ASB18: variants seen among roughly 807,000 people sequenced by gnomAD.
The protein encoded by ASB18 is ankyrin repeat and SOCS box protein 18.
A neutral mutation model predicts 33.4 loss-of-function variants in ASB18; 33 were observed. The ratio of observed to expected loss-of-function variants is 0.99; its 90% CI spans 0.75 to 1.32. The LOEUF is 1.32. Ranked by LOEUF, ASB18 falls within the 40% of genes most tolerant of loss-of-function variation. The pLI is 0.00. For missense variants in ASB18, 694 were observed against 655.5 expected (o/e 1.06, Z -0.64); for synonymous variants, 295 against 307.6 (o/e 0.96, Z 0.43).
Position 236,235,896 on chromosome 2 carries a change from G to T in ASB18, c.596+1793C>A, listed in dbSNP as rs1168996064. 6.6e-6 allele frequency among the ~76,000 whole-genome samples: 1 copy of T among 152,110 alleles called. No homozygotes were observed. Among genetic ancestry groups the T allele is most frequent in the African/African-American group, 2.4e-5 (1 of 41,416 alleles). On this transcript the variant is annotated intron_variant, in intron 3 of 5. Coordinates refer to ENST00000409749, the MANE Select transcript of ASB18 (RefSeq NM_212556.4). The surrounding 1 kb of genome is among the most constrained non-coding windows in gnomAD (Gnocchi z 6.2). Reference sequence around the variant, plus strand: ...TTTTGTAGAGATGGGGTTTTGCCGTGTTGCCCAGGCTGGTCTTGAACTCCC... The same window carrying T: ...TTTTGTAGAGATGGGGTTTTGCCGTTTTGCCCAGGCTGGTCTTGAACTCCC...
In ASB18 at chr2:236,263,601, A is replaced by C. The variant is rs2060730204; in HGVS notation, c.205+540T>G. Reference sequence around the variant, plus strand: ...CCAGTTATATGGCTCCTAGGAATTTATGGTAAGGATATAATCCCAAAAAAG... The same window carrying C: ...CCAGTTATATGGCTCCTAGGAATTTCTGGTAAGGATATAATCCCAAAAAAG... On this transcript the variant is annotated intron_variant, in intron 1 of 5. Coordinates refer to ENST00000409749, the MANE Select transcript of ASB18 (RefSeq NM_212556.4). The surrounding 1 kb of genome is among the most constrained non-coding windows in gnomAD (Gnocchi z 4.0). Among the ~76,000 whole-genome samples the C allele has an allele frequency of 6.6e-6, 1 of 152,214 alleles. No individual in the cohort carries two copies. The highest frequency in any genetic ancestry group is 1.5e-5 in the Non-Finnish European group (1 of 68,036).
intron 1 of ASB18, among the ~76,000 whole-genome samples, chr2:236,243,329 C>CAA (rs34711903): frequency 0.014 from 1,514 of 108,980 alleles, 47 homozygotes; most frequent in African/African-American, 0.044. Context: ...GACTCCATCT[C>CAA]AAAAAAAAAA....
At position 236,241,661 on chromosome 2, in the gene ASB18, G is replaced by A. The variant is rs909259877; in HGVS notation, c.206-259C>T. 2.6e-5 allele frequency: 16 copies of A among 616,474 alleles called. No homozygotes were observed. The highest frequency in any genetic ancestry group is 7.3e-5 in the African/African-American group (4 of 54,464). The allele number at this position is 616,474 out of a possible 1,614,324, so 38.2% of individuals were successfully genotyped here. ...TATATTTATAACTCCTGTGGGCTCCGATGTGATAATGGTTACTTGATATGA... is the reference window on the plus strand; with the variant it reads ...TATATTTATAACTCCTGTGGGCTCCAATGTGATAATGGTTACTTGATATGA... On this transcript the variant is annotated intron_variant, in intron 1 of 5. Transcript: ENST00000409749. This position sits in a 1 kb window ranked among gnomAD's most constrained non-coding sequence, Gnocchi z 4.2.
rs1469821149 is a variant in ASB18, at chr2:236,252,256, G to A, written c.206-10854C>T. ...ACTGTACTCCAGCCTTGGCAACAGA[G>A]TGAGACTCCGTCACACACACACACA... is the stretch of plus-strand genomic sequence containing the variant. On this transcript the variant is annotated intron_variant, in intron 1 of 5. Transcript: ENST00000409749. This position sits in a 1 kb window ranked among gnomAD's most constrained non-coding sequence, Gnocchi z 7.9. 7.2e-6 allele frequency among the ~76,000 whole-genome samples: 1 copy of A among 138,872 alleles called. No homozygotes were observed. The highest frequency in any genetic ancestry group is 2.6e-5 in the African/African-American group (1 of 38,246). The allele number at this position is 138,872 out of a possible 152,430, so 91.1% of individuals were successfully genotyped here.
chr2:236,213,316 G>A lies in ASB18; in HGVS notation c.1101+1046C>T, dbSNP rs1468787931. Among the ~76,000 whole-genome samples the A allele has an allele frequency of 6.6e-6, 1 of 152,028 alleles. No homozygotes were observed. The highest frequency in any genetic ancestry group is 1.5e-5 in the Non-Finnish European group (1 of 68,024). On this transcript the variant is annotated intron_variant, in intron 4 of 5. Coordinates refer to ENST00000409749, the MANE Select transcript of ASB18 (RefSeq NM_212556.4). The surrounding 1 kb of genome is among the most constrained non-coding windows in gnomAD (Gnocchi z 4.8). The stretch of plus-strand genomic sequence containing the variant: ...TTCAGAGGCACAGTCTACTCTGAAC[G>A]CATCTATAATGGAAAGTTAGCATTT...
At chr2:236,210,512 C>G (rs1204060642) in intron 4 of ASB18, 1 of 152,210 alleles carries the variant, frequency 6.6e-6, no homozygotes, top group Non-Finnish European at 1.5e-5. Flanking sequence ...AGAAAACCAC[C>G]TTTGTGATCA....
chr2:236,206,190 GT>G (rs58498672), intron 4 of ASB18, among the ~76,000 whole-genome samples: 31,284 of 137,808 alleles, frequency 0.23, 4,502 homozygotes, highest in African/African-American at 0.44. Flanking sequence ...AGTTTCTTGG[GT>G]TTTTTTTTTT....
At chr2:236,240,782 G>C (rs1462427325) in intron 2 of ASB18, among the ~76,000 whole-genome samples, 1 of 152,186 alleles carries the variant, frequency 6.6e-6, no homozygotes, top group Non-Finnish European at 1.5e-5. Flanking sequence ...CCCATTCTTG[G>C]GATTCCCCAG....
In ASB18 at chr2:236,229,051, T is replaced by G. The variant is rs930731732; in HGVS notation, c.596+8638A>C. 6.6e-6 allele frequency among the ~76,000 whole-genome samples: 1 copy of G among 152,114 alleles called. No individual in the cohort carries two copies. The highest frequency in any genetic ancestry group is 1.5e-5 in the Non-Finnish European group (1 of 68,022). ...TGAAACTAGGAGTTTGAGACCATCC[T>G]GGGCAGCAAAACAAGACCCCAACTC... On this transcript the variant is annotated intron_variant, in intron 3 of 5. Coordinates refer to ENST00000409749, the MANE Select transcript of ASB18 (RefSeq NM_212556.4). This position sits in a 1 kb window ranked among gnomAD's most constrained non-coding sequence, Gnocchi z 5.2.
In ASB18 at chr2:236,205,066, T is replaced by C. The variant is rs1467018401; in HGVS notation, c.1102-8681A>G. Among the ~76,000 whole-genome samples, 9 of 152,198 alleles carry C rather than the reference T, an allele frequency of 5.9e-5. No individual in the cohort carries two copies. The highest frequency in any genetic ancestry group is 1.0e-4 in the Non-Finnish European group (7 of 68,040). ...CAGCAACACCCTCCTAACTCATCTTTCGACATCTGTTCTCCTCTTTCTCAA... is the reference window on the plus strand; with the variant it reads ...CAGCAACACCCTCCTAACTCATCTTCCGACATCTGTTCTCCTCTTTCTCAA... On this transcript the variant is annotated intron_variant, in intron 4 of 5. Transcript: ENST00000409749. This position sits in a 1 kb window ranked among gnomAD's most constrained non-coding sequence, Gnocchi z 5.4.
Position 236,214,598 on chromosome 2 carries a change from G to GCGCGTC in ASB18, c.859_864dup (p.Asp287_Ala288dup). The GCGCGTC allele has an allele frequency of 7.9e-7, 1 of 1,259,962 alleles. No homozygotes were observed. The highest frequency in any genetic ancestry group is 9.9e-7 in the Non-Finnish European group (1 of 1,006,182). 78.0% of individuals were successfully genotyped at this position (1,259,962 alleles called of 1,614,324 possible). A position where few individuals can be genotyped will look rare whatever the true frequency, so the allele number is the denominator to read the frequency against. ...AGCGGGCTGCGCTCGTCCTCGTCGC[G>GCGCGTC]CGCGTCCGCCTCCGCCCCGCGCCGC... On this transcript the variant is annotated inframe_insertion, in exon 4 of 6. Coordinates refer to ENST00000409749, the MANE Select transcript of ASB18 (RefSeq NM_212556.4). The surrounding 1 kb of genome is among the most constrained non-coding windows in gnomAD (Gnocchi z 6.5).
chr2:236,218,703 C>A (rs767699648), intron 3 of ASB18, among the ~76,000 whole-genome samples: 13 of 147,090 alleles, frequency 8.8e-5, no homozygotes, highest in Non-Finnish European at 1.9e-4. Flanking sequence ...GAGGCTGAGG[C>A]AGGAGAATGG....
rs1206576295 is a variant in ASB18, at chr2:236,253,132, C to G, written c.205+11009G>C. On this transcript the variant is annotated intron_variant, in intron 1 of 5. Transcript: ENST00000409749. The surrounding 1 kb of genome is among the most constrained non-coding windows in gnomAD (Gnocchi z 5.4). ...TTCCTGCCAAACTCCAGTCAGCACC[C>G]AACGCTGACCCCTGAGCTCACGAGC... Among the ~76,000 whole-genome samples, 2 of 152,184 alleles carry G rather than the reference C, an allele frequency of 1.3e-5. No homozygotes were observed. The highest frequency in any genetic ancestry group is 2.9e-5 in the Non-Finnish European group (2 of 68,020).
At position 236,241,420 on chromosome 2, in the gene ASB18, T is replaced by C. The variant is rs1287662787; in HGVS notation, c.206-18A>G. On this transcript the variant is annotated intron_variant, in intron 1 of 5. Coordinates refer to ENST00000409749, the MANE Select transcript of ASB18 (RefSeq NM_212556.4). The surrounding 1 kb of genome is among the most constrained non-coding windows in gnomAD (Gnocchi z 4.2). ...GAGGTCCCCTGCGACCAGGGCAGTG[T>C]GGTACTCCTGCACCGGGGACCCTGC... The C allele has an allele frequency of 6.2e-7, 1 of 1,613,776 alleles. No individual in the cohort carries two copies. Among genetic ancestry groups the C allele is most frequent in the African/African-American group, 1.3e-5 (1 of 74,928 alleles).
In ASB18 at chr2:236,238,551, C is replaced by G. The variant is rs1272894212; in HGVS notation, c.329-595G>C. 6.6e-6 allele frequency among the ~76,000 whole-genome samples: 1 copy of G among 152,086 alleles called. No homozygotes were observed. Among genetic ancestry groups the G allele is most frequent in the African/African-American group, 2.4e-5 (1 of 41,414 alleles). ...AAGTGGCTGAGTTTTCAGAAGCACA[C>G]TTTGATGTGGTGGTCCACATTCAGC... On this transcript the variant is annotated intron_variant, in intron 2 of 5. Transcript: ENST00000409749. This position sits in a 1 kb window ranked among gnomAD's most constrained non-coding sequence, Gnocchi z 5.2.
At chr2:236,210,788 C>G (rs889757281) in intron 4 of ASB18, among the ~76,000 whole-genome samples, 1 of 152,164 alleles carries the variant, frequency 6.6e-6, no homozygotes, top group African/African-American at 2.4e-5. Flanking sequence ...AGGAGGTTCC[C>G]AAAGGAACAC....
At chr2:236,210,479 T>C (rs923899531) in intron 4 of ASB18, 1 of 152,250 alleles carries the variant, frequency 6.6e-6, no homozygotes, top group African/African-American at 2.4e-5. Context: ...AGACCCGGAA[T>C]GCAATCCATA....
At position 236,234,253 on chromosome 2, in the gene ASB18, C is replaced by G. The variant is rs2060579229; in HGVS notation, c.596+3436G>C. On this transcript the variant is annotated intron_variant, in intron 3 of 5. Coordinates refer to ENST00000409749, the MANE Select transcript of ASB18 (RefSeq NM_212556.4). This position sits in a 1 kb window ranked among gnomAD's most constrained non-coding sequence, Gnocchi z 4.1. ...CTTGCCCCCTCCCCTGGCTATGTCC[C>G]CTAGGAGGCTGCTATGAGATGGTTT... is the stretch of plus-strand genomic sequence containing the variant. Among the ~76,000 whole-genome samples the G allele has an allele frequency of 6.6e-6, 1 of 152,104 alleles. No individual in the cohort carries two copies.
At position 236,228,678 on chromosome 2, in the gene ASB18, A is replaced by G. The variant is rs540999026; in HGVS notation, c.596+9011T>C. 2.0e-5 allele frequency among the ~76,000 whole-genome samples: 3 copies of G among 152,378 alleles called. No individual in the cohort carries two copies. Among genetic ancestry groups the G allele is most frequent in the East Asian group, 3.9e-4 (2 of 5,188 alleles). ...TCATCACATGCACAGGTTCAGGAATAGTGGCTGGTTTCAGCAACCAAAGTG... is the reference window on the plus strand; with the variant it reads ...TCATCACATGCACAGGTTCAGGAATGGTGGCTGGTTTCAGCAACCAAAGTG... On this transcript the variant is annotated intron_variant, in intron 3 of 5. Coordinates refer to ENST00000409749, the MANE Select transcript of ASB18 (RefSeq NM_212556.4). This position sits in a 1 kb window ranked among gnomAD's most constrained non-coding sequence, Gnocchi z 5.1.
Sources: gnomAD v4.1 joint callset for allele counts (sites outside exome capture counted in the v4.1 genomes callset) on GRCh38, gnomAD v4.1.1 for gene constraint, Gnocchi (gnomAD v3.1) non-coding constraint, MANE v1.5 for transcripts, NCBI Gene and HGNC (gene_info 2026-07-23, HGNC 2026-07-21) for gene names.